FAR1: variants seen among roughly 807,000 people sequenced by gnomAD.
The protein encoded by FAR1 is fatty acyl-CoA reductase 1.
FAR1 carries 22 observed loss-of-function variants against 61.1 expected under a neutral mutation model. That is an observed-to-expected ratio of 0.36 (90% CI 0.26 to 0.51). The LOEUF (loss-of-function observed/expected upper bound fraction) is 0.51, where lower values mean the gene tolerates loss of function less well. Among genes scored for constraint, FAR1 ranks in the 20% least tolerant of loss-of-function variants. The pLI, the probability that FAR1 is intolerant of heterozygous loss-of-function variation, is 0.95. For missense variants in FAR1, 359 were observed against 626.9 expected, an observed-to-expected ratio of 0.57 and a Z score of 4.56; for synonymous variants, 206 against 209.7, an observed-to-expected ratio of 0.98 and a Z score of 0.15.
rs1289545724 is a variant in FAR1, at chr11:13,721,047, G to A, written c.1128-683G>A. 1 of 152,138 alleles carries A rather than the reference G, an allele frequency of 6.6e-6. No individual in the cohort carries two copies. Among genetic ancestry groups the A allele is most frequent in the African/African-American group, 2.4e-5 (1 of 41,444 alleles). The allele number at this position is 152,138 out of a possible 1,614,324, so 9.4% of individuals were successfully genotyped here. A position where few individuals can be genotyped will look rare whatever the true frequency, so the allele number is the denominator to read the frequency against. On this transcript the variant is annotated intron_variant, in intron 9 of 11. Transcript: ENST00000354817. This position sits in a 1 kb window ranked among gnomAD's most constrained non-coding sequence, Gnocchi z 4.2. ...TCTTTAAAGACACACTTTAAAAAGAGTGTCACACTCCTTTATTTCTGTAAG... is the reference window on the plus strand; with the variant it reads ...TCTTTAAAGACACACTTTAAAAAGAATGTCACACTCCTTTATTTCTGTAAG...
chr11:13,722,984 G>A (rs1018675488), intron 10 of FAR1, among the ~76,000 whole-genome samples: 4 of 151,796 alleles, frequency 2.6e-5, no homozygotes, highest in Non-Finnish European at 5.9e-5. Flanking sequence ...TTTTACTTGG[G>A]AATCTGTTTT....
At chr11:13,671,760 A>G (rs1848007344) in intron 1 of FAR1, among the ~76,000 whole-genome samples, 1 of 152,156 alleles carries the variant, frequency 6.6e-6, no homozygotes, top group African/African-American at 2.4e-5. Context: ...CTAGGAGGGG[A>G]CAGGTCAGGA....
In FAR1 at chr11:13,695,046, T is replaced by G. The variant is rs1251221976; in HGVS notation, c.189+92T>G. 4 of 1,065,252 alleles carry G rather than the reference T, an allele frequency of 3.8e-6. No homozygotes were observed. In the African/African-American group the frequency reaches 4.9e-5, roughly 13 times the overall value. 66.0% of individuals were successfully genotyped at this position (1,065,252 alleles called of 1,614,324 possible). On this transcript the variant is annotated intron_variant, in intron 2 of 11. Transcript: ENST00000354817. ...GTCGTCAATAGCTTGGTATATTTCT[T>G]CAGTATTCTGAAAAAATTAGTAAAA...
chr11:13,716,759 A>G (rs1848561740), intron 9 of FAR1, among the ~76,000 whole-genome samples: 2 of 152,046 alleles, frequency 1.3e-5, no homozygotes, highest in African/African-American at 2.4e-5. Flanking sequence ...ATTTTTTTTC[A>G]TATGTTCATA....
At chr11:13,669,688 C>G (rs904119324) in intron 1 of FAR1, 1 of 151,996 alleles carries the variant, frequency 6.6e-6, no homozygotes, top group African/African-American at 2.4e-5. Context: ...TAGTGGAGGG[C>G]CAAATACTCA....
At chr11:13,707,354 C>T (rs980793565) in intron 3 of FAR1, among the ~76,000 whole-genome samples, 3 of 151,964 alleles carry the variant, frequency 2.0e-5, no homozygotes, top group Non-Finnish European at 2.9e-5. Context: ...TGTAGGGTAG[C>T]CTTAGAAAAG....
intron 4 of FAR1, 88 bp downstream of exon 4, chr11:13,708,167 G>T: frequency 1.1e-6 from 1 of 902,364 alleles, no homozygotes; most frequent in Non-Finnish European, 1.6e-6. Context: ...TTCAAGAGCA[G>T]CCAGGCCAAC....
In FAR1 at chr11:13,730,246, A is replaced by T. The variant is rs1848710234; in HGVS notation, c.*1472A>T. 1 of 152,486 alleles carries T rather than the reference A, an allele frequency of 6.6e-6. No individual in the cohort carries two copies. The highest frequency in any genetic ancestry group is 2.4e-5 in the African/African-American group (1 of 41,456). 9.4% of individuals were successfully genotyped at this position (152,486 alleles called of 1,614,324 possible). On this transcript the variant is annotated 3_prime_UTR_variant, in exon 12 of 12. Coordinates refer to ENST00000354817, the MANE Select transcript of FAR1 (RefSeq NM_032228.6). ...CATCTTAACTTTCTTTGTCAATTTAAATGCAATGTATAAAAAGTTTATTTT... is the reference window on the plus strand; with the variant it reads ...CATCTTAACTTTCTTTGTCAATTTATATGCAATGTATAAAAAGTTTATTTT...
chr11:13,681,433 T>C (rs1202517380), intron 1 of FAR1, among the ~76,000 whole-genome samples: 2 of 152,220 alleles, frequency 1.3e-5, no homozygotes, highest in African/African-American at 2.4e-5. Context: ...AGACCCTAAC[T>C]GTTCTCTCAT....
At chr11:13,708,259 G>A (rs572156167) in intron 4 of FAR1, among the ~76,000 whole-genome samples, 180 bp downstream of exon 4, 19 of 151,986 alleles carry the variant, frequency 1.3e-4, no homozygotes, top group African/African-American at 4.6e-4. Context: ...AGCTACTTAG[G>A]AGGCTGAAGC....
Position 13,704,765 on chromosome 11 carries a change from C to G in FAR1, c.366-3135C>G, listed in dbSNP as rs542189977. ...AAAATGGCAGTAGTAGTGATAAGAT[C>G]TCATCTAGACAGTATTTTCTCAGGG... is the stretch of plus-strand genomic sequence containing the variant. On this transcript the variant is annotated intron_variant, in intron 3 of 11. Coordinates refer to ENST00000354817, the MANE Select transcript of FAR1 (RefSeq NM_032228.6). Among the ~76,000 whole-genome samples the G allele has an allele frequency of 1.7e-3, 255 of 152,190 alleles. 1 individual carries two copies. Among genetic ancestry groups the G allele is most frequent in the African/African-American group, 5.9e-3 (243 of 41,516 alleles).
intron 9 of FAR1, among the ~76,000 whole-genome samples, chr11:13,718,201 CTAAAGTCT>C (rs1848574834): frequency 6.6e-6 from 1 of 152,186 alleles, no homozygotes. Flanking sequence ...CTAGGTCTTT[CTAAAGTCT>C]TAGCAAAGGA....
intron 1 of FAR1, among the ~76,000 whole-genome samples, chr11:13,679,770 T>C (rs1435242850): frequency 6.6e-6 from 1 of 152,258 alleles, no homozygotes; most frequent in African/African-American, 2.4e-5. Flanking sequence ...GAATTCTGAA[T>C]CTTATTTTTC....
intron 1 of FAR1, among the ~76,000 whole-genome samples, chr11:13,672,047 C>T (rs967971886): frequency 1.3e-5 from 2 of 151,934 alleles, no homozygotes; most frequent in African/African-American, 2.4e-5. Context: ...AGACTCAGAA[C>T]GATTGAGAAG....
chr11:13,729,278 A>G lies in FAR1; in HGVS notation c.*504A>G, dbSNP rs546273658. 1.4e-4 allele frequency: 22 copies of G among 152,392 alleles called. No individual in the cohort carries two copies. The highest frequency in any genetic ancestry group is 5.3e-4 in the African/African-American group (22 of 41,526). The allele number at this position is 152,392 out of a possible 1,614,324, so 9.4% of individuals were successfully genotyped here. A position where few individuals can be genotyped will look rare whatever the true frequency, so the allele number is the denominator to read the frequency against. ...TTTTGTTTAAAATTATAACCAGCGT[A>G]TTTTCACATCATTCTGTAAGTTAAA... On this transcript the variant is annotated 3_prime_UTR_variant, in exon 12 of 12. Transcript: ENST00000354817.
At chr11:13,705,218 A>G (rs1266152777) in intron 3 of FAR1, among the ~76,000 whole-genome samples, 1 of 152,164 alleles carries the variant, frequency 6.6e-6, no homozygotes. Context: ...CAAAACAATG[A>G]GAACATTATT....
intron 8 of FAR1, among the ~76,000 whole-genome samples, chr11:13,713,663 A>T (rs1848525213): frequency 6.6e-6 from 1 of 152,084 alleles, no homozygotes; most frequent in Admixed American, 6.6e-5. Flanking sequence ...TGATTTAGTG[A>T]TAGGTCTTAT....
At chr11:13,727,902 A>T (rs1848683666) in intron 11 of FAR1, among the ~76,000 whole-genome samples, 1 of 151,856 alleles carries the variant, frequency 6.6e-6, no homozygotes, top group African/African-American at 2.4e-5. Flanking sequence ...ACTCTGTGCG[A>T]CTTTGCAGGG....
At chr11:13,715,984 A>G (rs1037328242) in intron 9 of FAR1, 6 of 152,260 alleles carry the variant, frequency 3.9e-5, no homozygotes, top group Middle Eastern at 3.4e-3. Flanking sequence ...TTCTAACCCT[A>G]TATGTTAGCT....
Sources: allele counts gnomAD v4.1 joint callset (sites outside exome capture counted in the v4.1 genomes callset), GRCh38; gene constraint gnomAD v4.1.1; non-coding constraint Gnocchi (gnomAD v3.1); transcripts MANE v1.5; gene names NCBI Gene and HGNC (gene_info 2026-07-23, HGNC 2026-07-21).